COPB1: variants seen among roughly 807,000 people sequenced by gnomAD.
COPB1 encodes coatomer subunit beta.
Under a neutral mutation model 108.7 loss-of-function variants are expected in COPB1, and 21 were observed. The observed-to-expected ratio is 0.19, with a 90% CI of 0.14 to 0.28. The LOEUF (loss-of-function observed/expected upper bound fraction) is 0.28, where lower values mean the gene tolerates loss of function less well. Ranked by LOEUF, COPB1 falls within the 10% of genes least tolerant of loss-of-function variation. The pLI, the probability that COPB1 is intolerant of heterozygous loss-of-function variation, is 1.00. For missense variants in COPB1, 919 were observed against 1,141.3 expected (o/e 0.81, Z 2.81); for synonymous variants, 378 against 386.8 (o/e 0.98, Z 0.27).
chr11:14,493,900 TAC>T, intron 3 of COPB1, 89 bp from the exon 4 acceptor site: 2 of 1,184,356 alleles, frequency 1.7e-6, no homozygotes, highest in South Asian at 1.7e-5. Context: ...GGAAAAAAAA[TAC>T]GTTTGAGAAA....
At chr11:14,463,554 A>G (rs1210221016) in intron 18 of COPB1, among the ~76,000 whole-genome samples, 1 of 152,154 alleles carries the variant, frequency 6.6e-6, no homozygotes, top group Admixed American at 6.6e-5. Flanking sequence ...TCCTGATCTC[A>G]GGTAATCTGC....
At chr11:14,484,406 G>C (rs1850724989) in intron 7 of COPB1, among the ~76,000 whole-genome samples, 1 of 152,128 alleles carries the variant, frequency 6.6e-6, no homozygotes, top group African/African-American at 2.4e-5. Flanking sequence ...TATGAGAAAG[G>C]CTGGGTGAAG....
At chr11:14,492,339 A>T (rs367733270) in intron 4 of COPB1, among the ~76,000 whole-genome samples, 2 of 151,360 alleles carry the variant, frequency 1.3e-5, no homozygotes, top group South Asian at 4.1e-4. Flanking sequence ...TATTATTATT[A>T]TTATTTTTAT....
In COPB1 at chr11:14,493,755, T is replaced by C. The variant is rs768234769; in HGVS notation, c.378A>G (p.Lys126=). Residue 126 remains lysine (K), a synonymous_variant, in exon 4 of 22, where the codon AAA becomes AAG. Transcript: ENST00000439561. ...IRGSTLRFLC[K]LKEAELLEPL... Reference sequence around the variant, plus strand: ...GTTCTAGCAATTCTGCTTCTTTCAATTTGCAAAGAAAACGAAGAGTAGATC... The same window carrying C: ...GTTCTAGCAATTCTGCTTCTTTCAACTTGCAAAGAAAACGAAGAGTAGATC... The C allele has an allele frequency of 2.1e-5, 34 of 1,613,144 alleles. No homozygotes were observed. The highest frequency in any genetic ancestry group is 2.7e-5 in the African/African-American group (2 of 74,882).
intron 13 of COPB1, among the ~76,000 whole-genome samples, chr11:14,475,399 C>T (rs1850500498): frequency 6.6e-6 from 1 of 152,106 alleles, no homozygotes; most frequent in South Asian, 2.1e-4. Flanking sequence ...CCATCTTCAC[C>T]ATTAAAATTT....
chr11:14,489,746 A>G (rs575626190), intron 5 of COPB1, among the ~76,000 whole-genome samples: 1 of 152,320 alleles, frequency 6.6e-6, no homozygotes, highest in South Asian at 2.1e-4. Context: ...CTATTTTTTA[A>G]TGGGTACAGA....
intron 7 of COPB1, 92 bp from the exon 8 acceptor site, chr11:14,483,243 C>G (rs1453333179): frequency 1.5e-6 from 1 of 669,130 alleles, no homozygotes; most frequent in East Asian, 2.8e-5. Context: ...CACACACACA[C>G]ACACACACAC....
At chr11:14,490,448 C>T in intron 5 of COPB1, 117 bp downstream of exon 5, 1 of 551,492 alleles carries the variant, frequency 1.8e-6, no homozygotes, top group Non-Finnish European at 3.0e-6. Context: ...TTTCAAAATA[C>T]ACAAACCACA....
chr11:14,483,040 C>T lies in COPB1; in HGVS notation c.949G>A (p.Val317Ile). 2 of 1,566,714 alleles carry T rather than the reference C, an allele frequency of 1.3e-6. No homozygotes were observed. The highest frequency in any genetic ancestry group is 1.7e-6 in the Non-Finnish European group (2 of 1,145,886). ...TTTCAGATAACACTTACCTGTAGTACTCGTTCATGAGCAGGATGCTCTTTT... is the reference window on the plus strand; with the variant it reads ...TTTCAGATAACACTTACCTGTAGTATTCGTTCATGAGCAGGATGCTCTTTT... ...ELKEHPAHER[V>I]LQDLVMDILR... The change falls in exon 8 of 22, where the codon GTA (valine) becomes ATA (isoleucine). Residue 317 changes from valine (V) to isoleucine (I), a missense_variant. Val to Ile is a conservative substitution (Grantham distance 29, BLOSUM62 3). Transcript: ENST00000439561.
At chr11:14,475,613 T>C (rs903154974) in intron 13 of COPB1, among the ~76,000 whole-genome samples, 172 bp downstream of exon 13, 46 of 152,198 alleles carry the variant, frequency 3.0e-4, no homozygotes, top group African/African-American at 1.1e-3. Flanking sequence ...AAACCATCAA[T>C]ACAATTCCTA....
intron 7 of COPB1, among the ~76,000 whole-genome samples, chr11:14,485,494 A>G (rs1484093003): frequency 6.6e-6 from 1 of 152,160 alleles, no homozygotes; most frequent in East Asian, 1.9e-4. Context: ...CTCCCCAAAA[A>G]CTTAACTACT....
chr11:14,483,744 C>T (rs1401972668), intron 7 of COPB1, among the ~76,000 whole-genome samples: 2 of 151,986 alleles, frequency 1.3e-5, no homozygotes, highest in East Asian at 3.9e-4. Context: ...AAGAACAGCC[C>T]TTCCTTGCAT....
intron 8 of COPB1, among the ~76,000 whole-genome samples, chr11:14,482,190 C>T (rs1404908520): frequency 6.6e-6 from 1 of 152,162 alleles, no homozygotes; most frequent in Non-Finnish European, 1.5e-5. Context: ...GAATTTAACA[C>T]TGATCAATAC....
chr11:14,490,544 A>AT, intron 5 of COPB1, 21 bp downstream of exon 5: 2 of 1,396,884 alleles, frequency 1.4e-6, no homozygotes, highest in Non-Finnish European at 1.0e-6. Flanking sequence ...TAATAAGAGT[A>AT]TTTTTTAAAA....
intron 7 of COPB1, among the ~76,000 whole-genome samples, chr11:14,484,448 G>A (rs1850726452): frequency 6.6e-6 from 1 of 152,216 alleles, no homozygotes; most frequent in African/African-American, 2.4e-5. Flanking sequence ...CATCGGGCAT[G>A]GTGGCTCATG....
chr11:14,463,501 A>G (rs1431723133), intron 18 of COPB1, among the ~76,000 whole-genome samples: 1 of 152,112 alleles, frequency 6.6e-6, no homozygotes, highest in Non-Finnish European at 1.5e-5. Flanking sequence ...TATTTTTAGT[A>G]GAGACAGGAT....
At chr11:14,458,191 T>C (rs377718558) in intron 21 of COPB1, among the ~76,000 whole-genome samples, 119 of 148,850 alleles carry the variant, frequency 8.0e-4, no homozygotes, top group African/African-American at 2.8e-3. Context: ...GCAATTCTCC[T>C]GCCTCAGCCT....
chr11:14,481,751 C>T (rs1337124597), intron 8 of COPB1, among the ~76,000 whole-genome samples: 1 of 152,172 alleles, frequency 6.6e-6, no homozygotes, highest in Non-Finnish European at 1.5e-5. Context: ...TCCTGTATAT[C>T]CTTCACCTAC....
At chr11:14,478,083 A>C (rs1850568402) in intron 11 of COPB1, among the ~76,000 whole-genome samples, 2 of 152,106 alleles carry the variant, frequency 1.3e-5, no homozygotes, top group African/African-American at 2.4e-5. Flanking sequence ...TTCAGAAAGA[A>C]TCTAACAAAA....
Sources: allele counts gnomAD v4.1 joint callset (sites outside exome capture counted in the v4.1 genomes callset), GRCh38; gene constraint gnomAD v4.1.1; transcripts MANE v1.5; gene names NCBI Gene and HGNC (gene_info 2026-07-23, HGNC 2026-07-21).